The following DLC1 variants were observed in gnomAD, a reference collection of about 807,000 sequenced individuals.
DLC1 encodes the protein DLC1 Rho GTPase activating protein, also known as rho GTPase-activating protein 7.
Under a neutral mutation model 140.3 loss-of-function variants are expected in DLC1, and 54 were observed. That is an observed-to-expected ratio of 0.38 (90% confidence interval 0.31 to 0.48). DLC1 has a LOEUF of 0.48. Ranked by LOEUF, DLC1 falls within the 20% of genes least tolerant of loss-of-function variation. The probability of loss-of-function intolerance (pLI) is 0.96; values close to 1 mark genes in which losing one functional copy is unlikely to be tolerated. For synonymous variants in DLC1, 986 were observed against 728.1 expected, an observed-to-expected ratio of 1.35 and a Z score of -5.70; for missense variants, 2,536 against 1,907.0, an observed-to-expected ratio of 1.33 and a Z score of -6.14.
At chr8:13,338,747 A>T (rs570541613) in intron 4 of DLC1, 3 of 152,312 alleles carry the variant, frequency 2.0e-5, no homozygotes, top group East Asian at 3.9e-4. Context: ...CACCCAGATC[A>T]CAGGAGGTGA....
At chr8:13,185,433 G>A (rs202097172) in intron 5 of DLC1, among the ~76,000 whole-genome samples, 15 of 151,758 alleles carry the variant, frequency 9.9e-5, no homozygotes, top group East Asian at 9.7e-4. Flanking sequence ...TCAGCCTCCC[G>A]ACTAGCTGGG....
At chr8:13,503,497 G>T (rs915056261) in intron 1 of DLC1, among the ~76,000 whole-genome samples, 3 of 152,154 alleles carry the variant, frequency 2.0e-5, no homozygotes, top group African/African-American at 7.2e-5. Context: ...AAATGATCAT[G>T]CTCTATTTTT....
At chr8:13,221,716 G>C (rs1182803521) in intron 5 of DLC1, among the ~76,000 whole-genome samples, 2 of 126,376 alleles carry the variant, frequency 1.6e-5, no homozygotes, top group African/African-American at 6.4e-5. Flanking sequence ...GTGTATATGT[G>C]TGTGTGTGTG....
intron 1 of DLC1, among the ~76,000 whole-genome samples, chr8:13,575,325 A>C (rs1804800457): frequency 6.6e-6 from 1 of 152,124 alleles, no homozygotes; most frequent in Non-Finnish European, 1.5e-5. Flanking sequence ...AGGTTTATTT[A>C]CTTACGTAAT....
rs567689236 is a variant in DLC1 at position 13,251,578 on chromosome 8, C to T, written c.1348+53691G>A. 2.0e-5 allele frequency among the ~76,000 whole-genome samples: 3 copies of T among 152,184 alleles called. No individual in the cohort carries two copies. In the East Asian group the frequency reaches 5.8e-4, roughly 29 times the overall value. On this transcript the variant is annotated intron_variant, in intron 5 of 17. Coordinates refer to ENST00000276297, the MANE Select transcript of DLC1 (RefSeq NM_182643.3). ...GAGGCAAGGTCCTTGGATACAGGAC[C>T]TTTTGGATAAATTTATCCATCTATT...
At chr8:13,120,172 G>A (rs894845916) in intron 5 of DLC1, among the ~76,000 whole-genome samples, 4 of 150,326 alleles carry the variant, frequency 2.7e-5, no homozygotes, top group African/African-American at 7.3e-5. Context: ...GTGAAACCCC[G>A]TCCCTACTAA....
chr8:13,537,283 G>A (rs1464835144), intron 1 of DLC1, among the ~76,000 whole-genome samples: 2 of 152,158 alleles, frequency 1.3e-5, no homozygotes, highest in African/African-American at 4.8e-5. Flanking sequence ...TTCAGGTTCT[G>A]CCATTCAGGC....
At chr8:13,409,362 G>C (rs1042897140) in intron 2 of DLC1, among the ~76,000 whole-genome samples, 1 of 152,068 alleles carries the variant, frequency 6.6e-6, no homozygotes, top group East Asian at 1.9e-4. Flanking sequence ...TACAAGTAGA[G>C]AGCTTGTTTT....
At chr8:13,505,143 A>G (rs1032538277) in intron 1 of DLC1, among the ~76,000 whole-genome samples, 3 of 152,226 alleles carry the variant, frequency 2.0e-5, no homozygotes, top group Admixed American at 2.0e-4. Flanking sequence ...AAATATAATT[A>G]TAGTATACTC....
At chr8:13,230,599 T>TC (rs1350078971) in intron 5 of DLC1, among the ~76,000 whole-genome samples, 1 of 134,150 alleles carries the variant, frequency 7.5e-6, no homozygotes, top group East Asian at 2.0e-4. Flanking sequence ...TCTTTTTTCT[T>TC]TTTTTTTTTT....
At chr8:13,415,081 G>T (rs1837988344) in intron 2 of DLC1, among the ~76,000 whole-genome samples, 1 of 152,040 alleles carries the variant, frequency 6.6e-6, no homozygotes, top group Non-Finnish European at 1.5e-5. Context: ...TAAAATGCTG[G>T]GATTATGGGC....
intron 4 of DLC1, among the ~76,000 whole-genome samples, chr8:13,348,156 G>A (rs911347207): frequency 6.6e-6 from 1 of 152,058 alleles, no homozygotes; most frequent in Non-Finnish European, 1.5e-5. Context: ...CACTTGCAGG[G>A]GATTTTATCA....
intron 5 of DLC1, among the ~76,000 whole-genome samples, chr8:13,155,488 A>T (rs76094645): frequency 0.16 from 23,950 of 151,970 alleles, 1,996 homozygotes; most frequent in South Asian, 0.26. Flanking sequence ...CTATTTTTTT[A>T]AAAAAACATG....
At chr8:13,442,244 A>G (rs928379544) in intron 2 of DLC1, among the ~76,000 whole-genome samples, 7 of 152,190 alleles carry the variant, frequency 4.6e-5, no homozygotes, top group African/African-American at 1.7e-4. Flanking sequence ...CTAAAACCCT[A>G]AAAACCCTAG....
chr8:13,091,248 G>C (rs1166957290), intron 14 of DLC1, 70 bp downstream of exon 14: 3 of 1,495,530 alleles, frequency 2.0e-6, no homozygotes, highest in Non-Finnish European at 2.8e-6. Flanking sequence ...CATGAACAAG[G>C]GTCAAGCCTA....
chr8:13,419,119 T>A (rs529386098), intron 2 of DLC1, among the ~76,000 whole-genome samples: 1 of 152,156 alleles, frequency 6.6e-6, no homozygotes, highest in African/African-American at 2.4e-5. Context: ...TTTGGGCTGA[T>A]ACAATGTGGT....
At chr8:13,208,236 G>A (rs186698338) in intron 5 of DLC1, among the ~76,000 whole-genome samples, 1,538 of 152,146 alleles carry the variant, frequency 0.01, 13 homozygotes, top group South Asian at 0.037. Context: ...TATGTATACT[G>A]TCATACAGAA....
At chr8:13,100,941 C>G in intron 8 of DLC1, 171 bp from the exon 9 acceptor site, 1 of 690,754 alleles carries the variant, frequency 1.4e-6, no homozygotes. Flanking sequence ...GGGTCTCACT[C>G]TGTTGTACAG....
At chr8:13,314,726 A>C (rs1832798466) in intron 4 of DLC1, among the ~76,000 whole-genome samples, 1 of 152,218 alleles carries the variant, frequency 6.6e-6, no homozygotes, top group Non-Finnish European at 1.5e-5. Flanking sequence ...TCAGAACCAC[A>C]AAAAGAATAC....
Sources: gnomAD v4.1 joint callset for allele counts (sites outside exome capture counted in the v4.1 genomes callset) on GRCh38, gnomAD v4.1.1 for gene constraint, MANE v1.5 for transcripts, NCBI Gene and HGNC (gene_info 2026-07-23, HGNC 2026-07-21) for gene names.